AKR1C8: variants seen among roughly 807,000 people sequenced by gnomAD.
AKR1C8 encodes aldo-keto reductase family 1 member C8.
the AKR1C8 span, among the ~76,000 whole-genome samples, chr10:5,160,164 C>G: frequency 1.7e-5 from 2 of 116,244 alleles, no homozygotes; most frequent in South Asian, 5.5e-4. Flanking sequence ...TAATGCATTA[C>G]CTTGCTATGC....
At chr10:5,138,602 T>A in the AKR1C8 span, among the ~76,000 whole-genome samples, 1 of 152,170 alleles carries the variant, frequency 6.6e-6, no homozygotes, top group African/African-American at 2.4e-5. Flanking sequence ...CTTATGAAGA[T>A]AACAGGATTA....
chr10:5,138,452 C>T, the AKR1C8 span, among the ~76,000 whole-genome samples: 4 of 152,018 alleles, frequency 2.6e-5, no homozygotes, highest in African/African-American at 9.7e-5. Context: ...GTTGTCTTCC[C>T]TTGTTCCCTA....
chr10:5,174,232 ATCT>A, the AKR1C8 span, among the ~76,000 whole-genome samples: 2 of 151,608 alleles, frequency 1.3e-5, no homozygotes, highest in Admixed American at 1.3e-4. Flanking sequence ...CAACTACTAG[ATCT>A]TCTTCTGTCT....
At chr10:5,121,459 T>C in the AKR1C8 span, among the ~76,000 whole-genome samples, 4 of 152,134 alleles carry the variant, frequency 2.6e-5, no homozygotes, top group Admixed American at 6.5e-5. Flanking sequence ...GTGAGATTTA[T>C]AGAGCTGAGA....
chr10:5,182,105 A>G, the AKR1C8 span, among the ~76,000 whole-genome samples: 1 of 152,214 alleles, frequency 6.6e-6, no homozygotes, highest in Non-Finnish European at 1.5e-5. Flanking sequence ...TAACGATTGA[A>G]TAACATACAC....
chr10:5,144,987 G>T, the AKR1C8 span, among the ~76,000 whole-genome samples: 1 of 151,626 alleles, frequency 6.6e-6, no homozygotes, highest in Non-Finnish European at 1.5e-5. Flanking sequence ...TGCCCATTCA[G>T]TATGATATTG....
chr10:5,146,533 T>C, the AKR1C8 span, among the ~76,000 whole-genome samples: 5 of 152,148 alleles, frequency 3.3e-5, no homozygotes, highest in African/African-American at 1.2e-4. Context: ...AAAGTGCTAA[T>C]AGTTTACAAT....
chr10:5,161,653 G>T, the AKR1C8 span: 1 of 530,926 alleles, frequency 1.9e-6, no homozygotes, highest in East Asian at 5.5e-5. Flanking sequence ...TAAGGCTGGG[G>T]GACAAGGATA....
At chr10:5,132,810 C>T in the AKR1C8 span, 3 of 878,900 alleles carry the variant, frequency 3.4e-6, no homozygotes, top group African/African-American at 1.7e-5. Context: ...GATCAATGTG[C>T]TCAACAGGTA....
At chr10:5,156,525 G>GATCTATCTATCTACCTATCT in the AKR1C8 span, among the ~76,000 whole-genome samples, 1 of 140,934 alleles carries the variant, frequency 7.1e-6, no homozygotes, top group Non-Finnish European at 1.6e-5. Flanking sequence ...GAAAGACTCA[G>GATCTATCTATCTACCTATCT]ATCTATCTAT....
chr10:5,121,709 G>A, the AKR1C8 span, among the ~76,000 whole-genome samples: 1,084 of 151,854 alleles, frequency 7.1e-3, 10 homozygotes, highest in Non-Finnish European at 0.011. Context: ...CACAAAGAGG[G>A]ACCAGGTTTG....
chr10:5,166,326 C>CAA, the AKR1C8 span, among the ~76,000 whole-genome samples: 4 of 152,166 alleles, frequency 2.6e-5, no homozygotes, highest in South Asian at 2.1e-4. Flanking sequence ...GCCTGCATTG[C>CAA]CAAGTCAATC....
the AKR1C8 span, among the ~76,000 whole-genome samples, chr10:5,121,502 G>C: frequency 1.3e-5 from 2 of 152,106 alleles, no homozygotes; most frequent in African/African-American, 4.8e-5. Context: ...AGAAAGCCAA[G>C]GAAGACATAA....
At chr10:5,162,940 G>A in the AKR1C8 span, 17 of 534,636 alleles carry the variant, frequency 3.2e-5, 1 homozygote, top group African/African-American at 1.2e-4. Context: ...CCTCATTTTG[G>A]TATAAGTATG....
chr10:5,146,903 A>G, the AKR1C8 span, among the ~76,000 whole-genome samples: 37 of 152,310 alleles, frequency 2.4e-4, no homozygotes, highest in Non-Finnish European at 5.3e-4. Context: ...CTCACTCAGG[A>G]TGTACTGGTT....
the AKR1C8 span, chr10:5,163,084 C>T: frequency 2.2e-6 from 1 of 458,046 alleles, no homozygotes; most frequent in African/African-American, 2.0e-5. Context: ...GCATTTCCCC[C>T]AATAGCATTT....
chr10:5,122,093 CT>C, the AKR1C8 span: 1 of 344,768 alleles, frequency 2.9e-6, no homozygotes, highest in Non-Finnish European at 5.9e-6. Context: ...AAAATTGTAA[CT>C]TAGCATGTCG....
chr10:5,171,480 A>G, the AKR1C8 span, among the ~76,000 whole-genome samples: 3 of 152,078 alleles, frequency 2.0e-5, no homozygotes, highest in Admixed American at 6.6e-5. Flanking sequence ...AAAGCTAAAC[A>G]CCATTTTATA....
chr10:5,181,401 A>G, the AKR1C8 span, among the ~76,000 whole-genome samples: 2 of 152,252 alleles, frequency 1.3e-5, no homozygotes, highest in Non-Finnish European at 2.9e-5. Context: ...TTAACAAAAC[A>G]AATGACTTAT....
Sources: gnomAD v4.1 joint callset for allele counts (sites outside exome capture counted in the v4.1 genomes callset) on GRCh38, gnomAD v4.1.1 for gene constraint, MANE v1.5 for transcripts, NCBI Gene and HGNC (gene_info 2026-07-23, HGNC 2026-07-21) for gene names.